PCDHGA12: variants seen among roughly 807,000 people sequenced by gnomAD.
PCDHGA12 encodes the protein protocadherin gamma subfamily A, 12, also known as protocadherin gamma-A12.
In PCDHGA12, 43 loss-of-function variants were observed where a neutral mutation model predicts 61.1. That is an observed-to-expected ratio of 0.70 (90% CI 0.55 to 0.91). The LOEUF is 0.91. PCDHGA12 is among the 40% of genes least tolerant of loss of function. The pLI, the probability that PCDHGA12 is intolerant of heterozygous loss-of-function variation, is 0.00. For missense variants in PCDHGA12, 1,236 were observed against 1,227.7 expected, an observed-to-expected ratio of 1.01 and a Z score of -0.10; for synonymous variants, 520 against 542.9, an observed-to-expected ratio of 0.96 and a Z score of 0.59.
At position 141,486,765 on chromosome 5, in the gene PCDHGA12, T is replaced by C; in HGVS notation, c.2425-8042T>C. On this transcript the variant is annotated intron_variant, in intron 1 of 3. Transcript: ENST00000252085. This position sits in a 1 kb window ranked among gnomAD's most constrained non-coding sequence, Gnocchi z 5.0. ...TTTGACTATGAGCAAACCCAGACACTGCAGTTTGAGGTGCAGGCCCGGGAT... is the reference window on the plus strand; with the variant it reads ...TTTGACTATGAGCAAACCCAGACACCGCAGTTTGAGGTGCAGGCCCGGGAT... 4 of 1,614,230 alleles carry C rather than the reference T, an allele frequency of 2.5e-6. No individual in the cohort carries two copies. Among genetic ancestry groups the C allele is most frequent in the Non-Finnish European group, 3.4e-6 (4 of 1,180,038 alleles).
rs1283050252 is a variant in PCDHGA12, at chr5:141,512,909, T to G, written c.*1736T>G. ...CCTCTTCCTGTGTCTCACGCAAGTT[T>G]TATACTCTAATATTTATATGGCTTT... On this transcript the variant is annotated 3_prime_UTR_variant, in exon 4 of 4. Coordinates refer to ENST00000252085, the MANE Select transcript of PCDHGA12 (RefSeq NM_003735.3). 6.6e-6 allele frequency: 1 copy of G among 152,268 alleles called. No homozygotes were observed. The highest frequency in any genetic ancestry group is 1.5e-5 in the Non-Finnish European group (1 of 68,056). 9.4% of individuals were successfully genotyped at this position (152,268 alleles called of 1,614,324 possible).
chr5:141,508,961 A>G (rs991011427), intron 3 of PCDHGA12, among the ~76,000 whole-genome samples: 2 of 151,978 alleles, frequency 1.3e-5, no homozygotes, highest in Non-Finnish European at 2.9e-5. Flanking sequence ...TGTCAGCGGA[A>G]TGAAAGGGCT....
Position 141,472,217 on chromosome 5 carries a change from C to T in PCDHGA12, c.2425-22590C>T, listed in dbSNP as rs181908144. On this transcript the variant is annotated intron_variant, in intron 1 of 3. Transcript: ENST00000252085. ...CTTTTTGACACTAAGACCTTACTCTCGATCATATAATACATTCACTTTCTA... is the reference window on the plus strand; with the variant it reads ...CTTTTTGACACTAAGACCTTACTCTTGATCATATAATACATTCACTTTCTA... Among the ~76,000 whole-genome samples the T allele has an allele frequency of 3.1e-4, 47 of 152,234 alleles. 1 individual carries two copies. The highest frequency in any genetic ancestry group is 1.1e-3 in the African/African-American group (44 of 41,538).
At chr5:141,505,983 C>G (rs1235662535) in intron 3 of PCDHGA12, among the ~76,000 whole-genome samples, 1 of 152,148 alleles carries the variant, frequency 6.6e-6, no homozygotes, top group Non-Finnish European at 1.5e-5. Context: ...GAGAGAACAC[C>G]TCCTCTTTAT....
At chr5:141,503,555 C>T (rs1010409481) in intron 2 of PCDHGA12, among the ~76,000 whole-genome samples, 2 of 148,816 alleles carry the variant, frequency 1.3e-5, no homozygotes, top group African/African-American at 5.0e-5. Context: ...GCCGAGATCG[C>T]GCCACTGTAC....
chr5:141,510,817 T>C, intron 3 of PCDHGA12, 130 bp from the exon 4 acceptor site: 2 of 1,551,592 alleles, frequency 1.3e-6, no homozygotes, highest in African/African-American at 2.7e-5. Flanking sequence ...GTGACCCCTA[T>C]ATTCCCAGTG....
intron 1 of PCDHGA12, among the ~76,000 whole-genome samples, chr5:141,484,645 T>C (rs948669787): frequency 1.3e-5 from 2 of 151,970 alleles, no homozygotes; most frequent in Admixed American, 6.6e-5. Context: ...CACTCTCCAA[T>C]GGCTACTCTC....
chr5:141,490,421 C>T lies in PCDHGA12; in HGVS notation c.2425-4386C>T. On this transcript the variant is annotated intron_variant, in intron 1 of 3. Coordinates refer to ENST00000252085, the MANE Select transcript of PCDHGA12 (RefSeq NM_003735.3). The surrounding 1 kb of genome is among the most constrained non-coding windows in gnomAD (Gnocchi z 5.4). ...AGCCTTGATATCTCTCCGGACCTGCCATTTCAGATTAAGCCTTCTGAGAAC... is the reference window on the plus strand; with the variant it reads ...AGCCTTGATATCTCTCCGGACCTGCTATTTCAGATTAAGCCTTCTGAGAAC... 1 of 1,614,192 alleles carries T rather than the reference C, an allele frequency of 6.2e-7. No homozygotes were observed. The highest frequency in any genetic ancestry group is 8.5e-7 in the Non-Finnish European group (1 of 1,180,016).
At chr5:141,502,781 C>G (rs1360359268) in intron 2 of PCDHGA12, among the ~76,000 whole-genome samples, 2 of 151,658 alleles carry the variant, frequency 1.3e-5, no homozygotes, top group Non-Finnish European at 2.9e-5. Flanking sequence ...TGAAAATTAC[C>G]TGGATGATTT....
chr5:141,507,368 T>C (rs1446319165), intron 3 of PCDHGA12: 2 of 152,094 alleles, frequency 1.3e-5, no homozygotes, highest in Non-Finnish European at 2.9e-5. Context: ...GGGAGCCCTG[T>C]ACTTTTATTT....
chr5:141,500,520 T>A (rs2099801106), intron 2 of PCDHGA12, among the ~76,000 whole-genome samples: 1 of 152,194 alleles, frequency 6.6e-6, no homozygotes, highest in South Asian at 2.1e-4. Context: ...AGCTTCATTT[T>A]AAAAAAATCT....
chr5:141,493,656 T>C lies in PCDHGA12; in HGVS notation c.2425-1151T>C, dbSNP rs1481871984. Among the ~76,000 whole-genome samples, 1 of 152,184 alleles carries C rather than the reference T, an allele frequency of 6.6e-6. No homozygotes were observed. Among genetic ancestry groups the C allele is most frequent in the African/African-American group, 2.4e-5 (1 of 41,454 alleles). ...CTGAGGGCTGGCCATCCCTGTGCCC[T>C]TCTCCATGGCAGCCCCAGAATGGTG... On this transcript the variant is annotated intron_variant, in intron 1 of 3. Coordinates refer to ENST00000252085, the MANE Select transcript of PCDHGA12 (RefSeq NM_003735.3). The surrounding 1 kb of genome is among the most constrained non-coding windows in gnomAD (Gnocchi z 4.3).
chr5:141,505,681 G>A (rs113733387), intron 3 of PCDHGA12, among the ~76,000 whole-genome samples, 200 bp downstream of exon 3: 92 of 152,324 alleles, frequency 6.0e-4, no homozygotes, highest in African/African-American at 2.1e-3. Flanking sequence ...GGGGTCCTGG[G>A]ATGCCTGGAG....
intron 1 of PCDHGA12, among the ~76,000 whole-genome samples, chr5:141,460,983 GTATA>G (rs59296681): frequency 0.024 from 3,365 of 137,748 alleles, 55 homozygotes; most frequent in African/African-American, 0.035. Flanking sequence ...GTGTGTGTGT[GTATA>G]TATATATATG....
chr5:141,471,046 C>CTT (rs1170588345), intron 1 of PCDHGA12, among the ~76,000 whole-genome samples: 26 of 113,248 alleles, frequency 2.3e-4, no homozygotes, highest in Non-Finnish European at 3.0e-4. Context: ...CCCAAGCCCT[C>CTT]TTTTTTTTTT....
In PCDHGA12 at chr5:141,512,133, G is replaced by A. The variant is rs1394116556; in HGVS notation, c.*960G>A. ...CCACTACATAATAGGGCTCAGCCCA[G>A]GCAGCCAGCTTTGGGCTGAGCTAAC... On this transcript the variant is annotated 3_prime_UTR_variant, in exon 4 of 4. Coordinates refer to ENST00000252085, the MANE Select transcript of PCDHGA12 (RefSeq NM_003735.3). 3 of 152,708 alleles carry A rather than the reference G, an allele frequency of 2.0e-5. No homozygotes were observed. Among genetic ancestry groups the A allele is most frequent in the Non-Finnish European group, 2.9e-5 (2 of 68,102 alleles). 9.5% of individuals were successfully genotyped at this position (152,708 alleles called of 1,614,324 possible).
chr5:141,488,606 C>T (rs781116401), intron 1 of PCDHGA12, among the ~76,000 whole-genome samples: 2 of 152,156 alleles, frequency 1.3e-5, no homozygotes, highest in Admixed American at 1.3e-4. Flanking sequence ...TTACAAGGTT[C>T]TTACTAATCT....
chr5:141,431,393 C>T lies in PCDHGA12; in HGVS notation c.634C>T (p.Leu212Phe), dbSNP rs1485575362. 5 of 1,613,884 alleles carry T rather than the reference C, an allele frequency of 3.1e-6. No individual in the cohort carries two copies. Among genetic ancestry groups the T allele is most frequent in the Non-Finnish European group, 4.2e-6 (5 of 1,180,048 alleles). Residue 212 changes from leucine (L) to phenylalanine (F), a missense_variant, in exon 1 of 4, where the codon CTT becomes TTT. Coordinates refer to ENST00000252085, the MANE Select transcript of PCDHGA12 (RefSeq NM_003735.3). The surrounding 1 kb of genome is among the most constrained non-coding windows in gnomAD (Gnocchi z 4.8). ...AGAAAAGGCTGCTCACCACCTGGTC[C>T]TTACGGCCTCCGACGGGGGCGACCC... The part of the protein sequence containing the change: ...REEKAAHHLV[L>F]TASDGGDPVR...
In PCDHGA12 at chr5:141,477,362, G is replaced by T. The variant is rs920445601; in HGVS notation, c.2425-17445G>T. 6.2e-7 allele frequency: 1 copy of T among 1,614,142 alleles called. No individual in the cohort carries two copies. The highest frequency in any genetic ancestry group is 1.3e-5 in the African/African-American group (1 of 75,022). On this transcript the variant is annotated intron_variant, in intron 1 of 3. Coordinates refer to ENST00000252085, the MANE Select transcript of PCDHGA12 (RefSeq NM_003735.3). The surrounding 1 kb of genome is among the most constrained non-coding windows in gnomAD (Gnocchi z 4.9). ...CACTTTGAAAACCAGTGCAGACCTG[G>T]ATCGGGAGACTGTGCCAGAATACAA...
Sources: allele counts gnomAD v4.1 joint callset (sites outside exome capture counted in the v4.1 genomes callset), GRCh38; gene constraint gnomAD v4.1.1; non-coding constraint Gnocchi (gnomAD v3.1); transcripts MANE v1.5; gene names NCBI Gene and HGNC (gene_info 2026-07-23, HGNC 2026-07-21).